The following PRPSAP2 variants were observed in gnomAD, a reference collection of about 807,000 sequenced individuals.
PRPSAP2 encodes the protein phosphoribosyl pyrophosphate synthetase associated protein 2.
In PRPSAP2, 24 loss-of-function variants were observed where a neutral mutation model predicts 40.6. The ratio of observed to expected loss-of-function variants is 0.59; its 90% CI spans 0.43 to 0.83. The LOEUF (loss-of-function observed/expected upper bound fraction) is 0.83. Ranked by LOEUF, PRPSAP2 falls within the 40% of genes least tolerant of loss-of-function variation. PRPSAP2 has a pLI of 0.00. For synonymous variants in PRPSAP2, 149 were observed against 164.7 expected, an observed-to-expected ratio of 0.90 and a Z score of 0.73; for missense variants, 292 against 465.6, an observed-to-expected ratio of 0.63 and a Z score of 3.43.
At chr17:18,875,258 C>T (rs1343533354) in intron 5 of PRPSAP2, among the ~76,000 whole-genome samples, 1 of 151,952 alleles carries the variant, frequency 6.6e-6, no homozygotes, top group African/African-American at 2.4e-5. Flanking sequence ...TGTGAAATAC[C>T]ATGAAATAAC....
chr17:18,882,493 A>G (rs1026257696), intron 6 of PRPSAP2, 75 bp from the exon 7 acceptor site: 13 of 950,930 alleles, frequency 1.4e-5, no homozygotes, highest in Non-Finnish European at 2.1e-5. Flanking sequence ...CCTGGGTGAC[A>G]GAATGGGATC....
intron 1 of PRPSAP2, chr17:18,859,686 A>T (rs1170431500): frequency 1.3e-5 from 2 of 152,210 alleles, no homozygotes; most frequent in Non-Finnish European, 2.9e-5. Context: ...ATCAATATTG[A>T]TATTAAAAAC....
intron 8 of PRPSAP2, among the ~76,000 whole-genome samples, chr17:18,897,993 T>TC (rs2151935660): frequency 3.7e-5 from 1 of 27,352 alleles, no homozygotes; most frequent in Non-Finnish European, 8.8e-5. Context: ...AATTTTTGCT[T>TC]TTTTTTTTTT....
chr17:18,926,216 C>T (rs1263642888), intron 10 of PRPSAP2, among the ~76,000 whole-genome samples: 1 of 151,862 alleles, frequency 6.6e-6, no homozygotes, highest in African/African-American at 2.4e-5. Context: ...GCACCTTTCC[C>T]CCCGTTCTAG....
chr17:18,877,179 A>C (rs549905481), intron 5 of PRPSAP2, among the ~76,000 whole-genome samples: 1 of 152,164 alleles, frequency 6.6e-6, no homozygotes, highest in Non-Finnish European at 1.5e-5. Flanking sequence ...CTTTATGAAA[A>C]CAAAGCTTCA....
intron 4 of PRPSAP2, 63 bp downstream of exon 4, chr17:18,867,397 C>T (rs2037512418): frequency 1.3e-6 from 2 of 1,532,866 alleles, no homozygotes; most frequent in African/African-American, 2.7e-5. Context: ...TTGGCTCCGT[C>T]CTTCATCCTT....
intron 6 of PRPSAP2, 86 bp downstream of exon 6, chr17:18,877,956 C>T: frequency 7.2e-7 from 1 of 1,396,854 alleles, no homozygotes; most frequent in Non-Finnish European, 9.7e-7. Context: ...GGGTCTTGCC[C>T]TGTCACCTAG....
At chr17:18,915,234 A>G (rs1180297414) in intron 9 of PRPSAP2, among the ~76,000 whole-genome samples, 1 of 151,756 alleles carries the variant, frequency 6.6e-6, no homozygotes, top group Non-Finnish European at 1.5e-5. Context: ...CATGTTGCCC[A>G]GGTTGGTTTT....
At position 18,929,027 on chromosome 17, in the gene PRPSAP2, A is replaced by C. The variant is rs1473132092; in HGVS notation, c.951+70A>C. ...GGCACATCTTGATCTTTAGTTACAGAGAGTCAGGACAAGACTGAGATCTTT... is the reference window on the plus strand; with the variant it reads ...GGCACATCTTGATCTTTAGTTACAGCGAGTCAGGACAAGACTGAGATCTTT... On this transcript the variant is annotated intron_variant, in intron 11 of 11. Transcript: ENST00000268835. 4 of 1,554,664 alleles carry C rather than the reference A, an allele frequency of 2.6e-6. No individual in the cohort carries two copies. In the East Asian group the frequency reaches 9.1e-5, roughly 35 times the overall value.
chr17:18,887,424 G>A (rs955623620), intron 7 of PRPSAP2, among the ~76,000 whole-genome samples: 1 of 151,612 alleles, frequency 6.6e-6, no homozygotes, highest in Non-Finnish European at 1.5e-5. Context: ...TTTTAGCAGC[G>A]AGGGGGTTTC....
chr17:18,872,258 G>A (rs1471114793), intron 4 of PRPSAP2, among the ~76,000 whole-genome samples: 6 of 145,664 alleles, frequency 4.1e-5, no homozygotes, highest in Admixed American at 2.1e-4. Context: ...GGGCGACAGA[G>A]CAAGACTCCG....
chr17:18,911,297 C>G lies in PRPSAP2; in HGVS notation c.733+46C>G, dbSNP rs770374050. The G allele has an allele frequency of 6.5e-7, 1 of 1,530,746 alleles. No individual in the cohort carries two copies. Among genetic ancestry groups the G allele is most frequent in the Non-Finnish European group, 8.8e-7 (1 of 1,131,912 alleles). The allele number at this position is 1,530,746 out of a possible 1,614,324, so 94.8% of individuals were successfully genotyped here. ...TTCCCACTTTCCTCTGATTTTAAGG[C>G]TGACTACACTGTTGTCTGTGTGGTT... On this transcript the variant is annotated intron_variant, in intron 9 of 11. Coordinates refer to ENST00000268835, the MANE Select transcript of PRPSAP2 (RefSeq NM_002767.4). This position sits in a 1 kb window ranked among gnomAD's most constrained non-coding sequence, Gnocchi z 4.5.
chr17:18,921,633 T>G (rs539972328), intron 9 of PRPSAP2, among the ~76,000 whole-genome samples: 5 of 152,126 alleles, frequency 3.3e-5, no homozygotes, highest in Non-Finnish European at 7.3e-5. Flanking sequence ...TAGTTTTGAT[T>G]GTCAGAATCA....
chr17:18,925,781 T>A (rs906195710), intron 10 of PRPSAP2, among the ~76,000 whole-genome samples: 2 of 152,194 alleles, frequency 1.3e-5, no homozygotes, highest in African/African-American at 4.8e-5. Context: ...TTATCCCCAG[T>A]GCTTGATAAT....
chr17:18,912,815 G>A (rs914004113), intron 9 of PRPSAP2, among the ~76,000 whole-genome samples: 2 of 152,136 alleles, frequency 1.3e-5, no homozygotes, highest in African/African-American at 4.8e-5. Flanking sequence ...TGGGAGGGTT[G>A]CTTGAGGCCA....
intron 4 of PRPSAP2, among the ~76,000 whole-genome samples, chr17:18,869,452 C>T (rs2037678417): frequency 6.6e-6 from 1 of 151,518 alleles, no homozygotes; most frequent in South Asian, 2.1e-4. Context: ...CTTCTCCCAC[C>T]TTAGCCTCCC....
intron 8 of PRPSAP2, among the ~76,000 whole-genome samples, chr17:18,892,745 A>ATTTATTTTTTTT (rs57347460): frequency 1.6e-5 from 2 of 125,768 alleles, no homozygotes; most frequent in East Asian, 2.3e-4. Flanking sequence ...TTATTTATTT[A>ATTTATTTTTTTT]TTTTTTTGAG....
At chr17:18,895,868 C>A (rs1225300098) in intron 8 of PRPSAP2, among the ~76,000 whole-genome samples, 1 of 152,050 alleles carries the variant, frequency 6.6e-6, no homozygotes, top group East Asian at 1.9e-4. Flanking sequence ...CTCAGGTGAT[C>A]CACCCATCTT....
rs1226332726 is a variant in PRPSAP2 at position 18,917,611 on chromosome 17, T to A, written c.734-6303T>A. On this transcript the variant is annotated intron_variant, in intron 9 of 11. Transcript: ENST00000268835. ...TTTTTTTTTTTTTTTTTTTTTTTTTTTTTTTTTTAGTAGAGACAGGGTTTC... is the reference window on the plus strand; with the variant it reads ...TTTTTTTTTTTTTTTTTTTTTTTTTATTTTTTTTAGTAGAGACAGGGTTTC... 3.4e-4 allele frequency: 42 copies of A among 123,132 alleles called. 2 individuals are homozygous for A. The highest frequency in any genetic ancestry group is 4.6e-4 in the East Asian group (2 of 4,340). 7.6% of individuals were successfully genotyped at this position (123,132 alleles called of 1,614,324 possible).
Sources: allele counts gnomAD v4.1 joint callset (sites outside exome capture counted in the v4.1 genomes callset), GRCh38; gene constraint gnomAD v4.1.1; non-coding constraint Gnocchi (gnomAD v3.1); transcripts MANE v1.5; gene names NCBI Gene and HGNC (gene_info 2026-07-23, HGNC 2026-07-21).